UPF2: variants seen among roughly 807,000 people sequenced by gnomAD.
UPF2 encodes the protein regulator of nonsense transcripts 2.
In UPF2, 17 loss-of-function variants were observed where a neutral mutation model predicts 141.4. The ratio of observed to expected loss-of-function variants is 0.12; its 90% confidence interval spans 0.08 to 0.18. UPF2 has a LOEUF of 0.18. UPF2 is among the 10% of genes least tolerant of loss of function. The probability of loss-of-function intolerance (pLI) is 1.00; values close to 1 mark genes in which losing one functional copy is unlikely to be tolerated. For synonymous variants in UPF2, 540 were observed against 498.0 expected (o/e 1.08, Z -1.12); for missense variants, 1,152 against 1,515.9 (o/e 0.76, Z 3.99).
In UPF2 at chr10:11,939,993, G is replaced by A. The variant is rs1832917478; in HGVS notation, c.3378+2672C>T. ...CATCTTCCTGGTGTGATATAATTAG[G>A]ATTATACTAAGTTTAAGGGCTTGAT... On this transcript the variant is annotated intron_variant, in intron 18 of 21. Coordinates refer to ENST00000357604, the MANE Select transcript of UPF2 (RefSeq NM_015542.4). This position sits in a 1 kb window ranked among gnomAD's most constrained non-coding sequence, Gnocchi z 4.8. Among the ~76,000 whole-genome samples, 1 of 152,054 alleles carries A rather than the reference G, an allele frequency of 6.6e-6. No individual in the cohort carries two copies. Among genetic ancestry groups the A allele is most frequent in the East Asian group, 1.9e-4 (1 of 5,194 alleles).
Position 11,998,003 on chromosome 10 carries a change from G to A in UPF2, c.1759-246C>T, listed in dbSNP as rs1035459599. ...AAAGCAGTAAAGGGGAATGAGCAAA[G>A]AGAAAGAGACAGGCACAAATTATAC... On this transcript the variant is annotated intron_variant, in intron 7 of 21. Transcript: ENST00000357604. This position sits in a 1 kb window ranked among gnomAD's most constrained non-coding sequence, Gnocchi z 4.5. Among the ~76,000 whole-genome samples the A allele has an allele frequency of 5.3e-5, 8 of 152,190 alleles. No homozygotes were observed. The highest frequency in any genetic ancestry group is 1.9e-4 in the African/African-American group (8 of 41,458).
chr10:11,931,889 G>C lies in UPF2; in HGVS notation c.3547-107C>G. 1 of 1,274,214 alleles carries C rather than the reference G, an allele frequency of 7.8e-7. No individual in the cohort carries two copies. Among genetic ancestry groups the C allele is most frequent in the Non-Finnish European group, 1.1e-6 (1 of 939,394 alleles). The allele number at this position is 1,274,214 out of a possible 1,614,324, so 78.9% of individuals were successfully genotyped here. ...GTACAGGCTGGGCACGGTGGCTCACGCCTGTAATCCCAGCACTTTGGGAGG... is the reference window on the plus strand; with the variant it reads ...GTACAGGCTGGGCACGGTGGCTCACCCCTGTAATCCCAGCACTTTGGGAGG... On this transcript the variant is annotated intron_variant, in intron 19 of 21. Transcript: ENST00000357604. This position sits in a 1 kb window ranked among gnomAD's most constrained non-coding sequence, Gnocchi z 5.9.
chr10:12,020,948 A>G (rs1398383044), intron 3 of UPF2, among the ~76,000 whole-genome samples: 1 of 152,238 alleles, frequency 6.6e-6, no homozygotes, highest in African/African-American at 2.4e-5. Flanking sequence ...GCAAGCCTTC[A>G]CCACAGAACT....
rs529278955 is a variant in UPF2 at position 12,016,218 on chromosome 10, T to A, written c.1146-2034A>T. On this transcript the variant is annotated intron_variant, in intron 3 of 21. Coordinates refer to ENST00000357604, the MANE Select transcript of UPF2 (RefSeq NM_015542.4). This position sits in a 1 kb window ranked among gnomAD's most constrained non-coding sequence, Gnocchi z 4.1. ...GAAGTGAAAAGTCATTTAAAAAAAA[T>A]TTTTTTTAATTTACTTTTATTTTTT... 1.0e-3 allele frequency among the ~76,000 whole-genome samples: 159 copies of A among 152,060 alleles called. No individual in the cohort carries two copies. Among genetic ancestry groups the A allele is most frequent in the African/African-American group, 3.1e-3 (130 of 41,518 alleles).
intron 9 of UPF2, among the ~76,000 whole-genome samples, chr10:11,976,098 T>A (rs1222364127): frequency 1.3e-5 from 2 of 152,242 alleles, no homozygotes; most frequent in Non-Finnish European, 2.9e-5. Context: ...GTTTCTAATT[T>A]CTATTACCTT....
At position 11,936,785 on chromosome 10, in the gene UPF2, C is replaced by G; in HGVS notation, c.3379-73G>C. On this transcript the variant is annotated intron_variant, in intron 18 of 21. Coordinates refer to ENST00000357604, the MANE Select transcript of UPF2 (RefSeq NM_015542.4). This position sits in a 1 kb window ranked among gnomAD's most constrained non-coding sequence, Gnocchi z 6.6. ...GATATATGTCAATATAAATTGCAAA[C>G]TCATTCAATGCTGTATTTCTTAAAA... 3 of 1,386,746 alleles carry G rather than the reference C, an allele frequency of 2.2e-6. No individual in the cohort carries two copies. Among genetic ancestry groups the G allele is most frequent in the Non-Finnish European group, 2.9e-6 (3 of 1,041,084 alleles). The allele number at this position is 1,386,746 out of a possible 1,614,324, so 85.9% of individuals were successfully genotyped here. A position where few individuals can be genotyped will look rare whatever the true frequency, so the allele number is the denominator to read the frequency against.
At chr10:12,004,251 T>C (rs993552082) in intron 5 of UPF2, among the ~76,000 whole-genome samples, 1 of 152,164 alleles carries the variant, frequency 6.6e-6, no homozygotes, top group Non-Finnish European at 1.5e-5. Flanking sequence ...AATGTGCATC[T>C]TACCAAGACC....
Position 12,007,922 on chromosome 10 carries a change from G to A in UPF2, c.1307-3195C>T, listed in dbSNP as rs563228123. 1.5e-4 allele frequency among the ~76,000 whole-genome samples: 22 copies of A among 148,368 alleles called. No homozygotes were observed. In the South Asian group the frequency reaches 4.5e-3, roughly 30 times the overall value. Reference sequence around the variant, plus strand: ...TTTTTTCTCTCTGACATGGAGTCTCGCTCTGTCACCCAGGCTGGAGTGCAA... The same window carrying A: ...TTTTTTCTCTCTGACATGGAGTCTCACTCTGTCACCCAGGCTGGAGTGCAA... On this transcript the variant is annotated intron_variant, in intron 4 of 21. Transcript: ENST00000357604.
At chr10:11,955,744 T>C (rs1306021244) in intron 13 of UPF2, among the ~76,000 whole-genome samples, 1 of 152,224 alleles carries the variant, frequency 6.6e-6, no homozygotes, top group East Asian at 1.9e-4. Flanking sequence ...TTAGCTATCA[T>C]TACATGAATT....
Position 11,980,985 on chromosome 10 carries a change from C to T in UPF2, c.1845-1820G>A, listed in dbSNP as rs1165576572. 6.6e-6 allele frequency among the ~76,000 whole-genome samples: 1 copy of T among 151,624 alleles called. No individual in the cohort carries two copies. The highest frequency in any genetic ancestry group is 1.5e-5 in the Non-Finnish European group (1 of 67,922). ...GGTGGATCACCTGAGGTGAGGAGTT[C>T]AAGACCAGCCTGGCCAACATGGTGA... is the stretch of plus-strand genomic sequence containing the variant. On this transcript the variant is annotated intron_variant, in intron 8 of 21. Coordinates refer to ENST00000357604, the MANE Select transcript of UPF2 (RefSeq NM_015542.4). This position sits in a 1 kb window ranked among gnomAD's most constrained non-coding sequence, Gnocchi z 4.2.
chr10:11,961,191 C>A (rs954644381), intron 11 of UPF2, among the ~76,000 whole-genome samples: 2 of 151,586 alleles, frequency 1.3e-5, no homozygotes, highest in Non-Finnish European at 2.9e-5. Context: ...TTCCTACTTA[C>A]AAGAAACTTA....
At chr10:12,030,219 GA>G (rs939411050) in intron 2 of UPF2, among the ~76,000 whole-genome samples, 16 of 149,740 alleles carry the variant, frequency 1.1e-4, no homozygotes, top group African/African-American at 2.9e-4. Context: ...TGGGCAAAGA[GA>G]AAAAAAAACA....
In UPF2 at chr10:11,943,142, CTCA is replaced by C. The variant is rs1832956819; in HGVS notation, c.3198_3200del (p.Asp1066del). ...TATTCTCTTCCTCCTCTTCTTCTCC[CTCA>C]TCATCATCATTATCAGAACCCTCCT... On this transcript the variant is annotated inframe_deletion, in exon 17 of 22. Coordinates refer to ENST00000357604, the MANE Select transcript of UPF2 (RefSeq NM_015542.4). 12 of 1,610,572 alleles carry C rather than the reference CTCA, an allele frequency of 7.5e-6. No homozygotes were observed. The highest frequency in any genetic ancestry group is 2.7e-5 in the African/African-American group (2 of 74,808).
In UPF2 at chr10:11,965,560, T is replaced by C. The variant is rs189023415; in HGVS notation, c.2068-1435A>G. Among the ~76,000 whole-genome samples, 237 of 152,204 alleles carry C rather than the reference T, an allele frequency of 1.6e-3. 1 individual carries two copies. The highest frequency in any genetic ancestry group is 5.3e-3 in the African/African-American group (219 of 41,544). ...CTGCGAGCTCCACCTCTCAGGTTCA[T>C]GCCATTCTCCTGCCTCAGCCTCCCA... is the stretch of plus-strand genomic sequence containing the variant. On this transcript the variant is annotated intron_variant, in intron 10 of 21. Transcript: ENST00000357604.
At chr10:12,003,438 G>T (rs1833984615) in intron 5 of UPF2, among the ~76,000 whole-genome samples, 2 of 152,178 alleles carry the variant, frequency 1.3e-5, no homozygotes, top group Non-Finnish European at 2.9e-5. Flanking sequence ...ATGCAGGAAG[G>T]CAAGAAGGCA....
chr10:11,991,216 C>A (rs762234985), intron 8 of UPF2, among the ~76,000 whole-genome samples: 2 of 151,950 alleles, frequency 1.3e-5, no homozygotes, highest in Non-Finnish European at 2.9e-5. Context: ...GTTTTCCATG[C>A]ATTTTTTAAA....
intron 16 of UPF2, 29 bp downstream of exon 16, chr10:11,948,340 T>A (rs770307590): frequency 5.2e-6 from 8 of 1,546,282 alleles, no homozygotes; most frequent in Non-Finnish European, 7.0e-6. Context: ...ACAAATGTAC[T>A]CTATGTTGCT....
rs547041517 is a variant in UPF2 at position 11,923,063 on chromosome 10, T to G, written c.3810-1756A>C. 4 of 152,238 alleles carry G rather than the reference T, an allele frequency of 2.6e-5. No homozygotes were observed. In the Middle Eastern group the frequency reaches 0.01, roughly 388 times the overall value. The allele number at this position is 152,238 out of a possible 1,614,324, so 9.4% of individuals were successfully genotyped here. On this transcript the variant is annotated intron_variant, in intron 21 of 21. Coordinates refer to ENST00000357604, the MANE Select transcript of UPF2 (RefSeq NM_015542.4). ...ACAAAATAAAACAACAACAAAATCA[T>G]TTTTAAAAAGATGGGTTTAAAAGTC...
At chr10:11,985,633 A>AAAAC (rs954731378) in intron 8 of UPF2, among the ~76,000 whole-genome samples, 3 of 150,302 alleles carry the variant, frequency 2.0e-5, no homozygotes, top group Admixed American at 6.6e-5. Context: ...AAAAAAAAAA[A>AAAAC]AAACAAACAA....
Sources: allele counts gnomAD v4.1 joint callset (sites outside exome capture counted in the v4.1 genomes callset), GRCh38; gene constraint gnomAD v4.1.1; non-coding constraint Gnocchi (gnomAD v3.1); transcripts MANE v1.5; gene names NCBI Gene and HGNC (gene_info 2026-07-23, HGNC 2026-07-21).